POTEJ: variants seen among roughly 807,000 people sequenced by gnomAD.
The protein encoded by POTEJ is POTE ankyrin domain family, member J.
In POTEJ, 11 loss-of-function variants were observed where a neutral mutation model predicts 69.0. The ratio of observed to expected loss-of-function variants is 0.16; its 90% CI spans 0.10 to 0.26. POTEJ has a LOEUF of 0.26. Ranked by LOEUF, POTEJ falls within the 10% of genes least tolerant of loss-of-function variation. The probability of loss-of-function intolerance (pLI) is 1.00; values close to 1 mark genes in which losing one functional copy is unlikely to be tolerated. For synonymous variants in POTEJ, 117 were observed against 381.1 expected (o/e 0.31, Z 8.07); for missense variants, 327 against 1,045.5 (o/e 0.31, Z 9.48).
Position 130,651,749 on chromosome 2 carries a change from T to C in POTEJ, c.1668-3172T>C, listed in dbSNP as rs923373120. On this transcript the variant is annotated intron_variant, in intron 13 of 14. Coordinates refer to ENST00000409602, the MANE Select transcript of POTEJ (RefSeq NM_001277083.2). ...TTTTTAAATTCCTTTTCTTGTTCAC[T>C]TTTTTCTCTGTACAATACTAGTGAT... is the stretch of plus-strand genomic sequence containing the variant. Among the ~76,000 whole-genome samples the C allele has an allele frequency of 2.8e-5, 4 of 143,378 alleles. 2 individuals are homozygous for C. Among genetic ancestry groups the C allele is most frequent in the African/African-American group, 1.1e-4 (4 of 37,584 alleles). The allele number at this position is 143,378 out of a possible 152,430, so 94.1% of individuals were successfully genotyped here.
chr2:130,636,331 C>A (rs1359786867), intron 9 of POTEJ, among the ~76,000 whole-genome samples: 1 of 151,954 alleles, frequency 6.6e-6, no homozygotes, highest in Non-Finnish European at 1.5e-5. Flanking sequence ...AAGGAATGCT[C>A]TCTAAGGTAA....
chr2:130,650,288 C>T (rs1399459057), intron 13 of POTEJ, among the ~76,000 whole-genome samples: 1 of 152,274 alleles, frequency 6.6e-6, no homozygotes, highest in Admixed American at 6.5e-5. Context: ...ACTTTTCTGG[C>T]CATCCCAACT....
intron 3 of POTEJ, among the ~76,000 whole-genome samples, chr2:130,618,774 CTTTTTTTTTT>C (rs1204750696): frequency 2.2e-4 from 7 of 32,206 alleles, no homozygotes; most frequent in African/African-American, 6.3e-4. Flanking sequence ...ATTAATCTGA[CTTTTTTTTTT>C]TTTTTTTTTT....
At chr2:130,636,802 T>G in intron 9 of POTEJ, among the ~76,000 whole-genome samples, 1 of 148,030 alleles carries the variant, frequency 6.8e-6, no homozygotes, top group Non-Finnish European at 1.5e-5. Flanking sequence ...TTTAAAAATG[T>G]TTGACGTAGG....
chr2:130,617,549 GC>G (rs1266858534), intron 3 of POTEJ, among the ~76,000 whole-genome samples: 4 of 93,350 alleles, frequency 4.3e-5, no homozygotes, highest in African/African-American at 1.8e-4. Flanking sequence ...ATGTAAAATG[GC>G]AAAATTTGCC....
At chr2:130,629,058 G>A (rs1238379566) in intron 6 of POTEJ, among the ~76,000 whole-genome samples, 26 of 152,310 alleles carry the variant, frequency 1.7e-4, no homozygotes, top group South Asian at 6.2e-4. Flanking sequence ...AAATATGTCC[G>A]AATCGTGGAG....
At chr2:130,648,783 T>C (rs1295661152) in intron 13 of POTEJ, among the ~76,000 whole-genome samples, 1 of 65,636 alleles carries the variant, frequency 1.5e-5, no homozygotes, top group Non-Finnish European at 3.0e-5. Context: ...TTCTCATAGT[T>C]TTTTTTTTTT....
At chr2:130,631,727 ATCTT>A (rs1384182723) in intron 8 of POTEJ, among the ~76,000 whole-genome samples, 1 of 142,040 alleles carries the variant, frequency 7.0e-6, no homozygotes, top group Non-Finnish European at 1.5e-5. Flanking sequence ...CAATCATTTT[ATCTT>A]TCTTGGTTTT....
At chr2:130,628,945 G>T (rs1307118956) in intron 6 of POTEJ, among the ~76,000 whole-genome samples, 2 of 147,546 alleles carry the variant, frequency 1.4e-5, no homozygotes, top group Non-Finnish European at 3.0e-5. Flanking sequence ...TTGAACCAGG[G>T]AGTGTCAGAG....
At chr2:130,647,021 A>G (rs1315026606) in intron 13 of POTEJ, among the ~76,000 whole-genome samples, 3 of 150,142 alleles carry the variant, frequency 2.0e-5, no homozygotes, top group South Asian at 2.1e-4. Flanking sequence ...ATGTATACTT[A>G]TGTATAAGGA....
intron 10 of POTEJ, among the ~76,000 whole-genome samples, chr2:130,642,171 CA>C (rs1198210627): frequency 6.8e-6 from 1 of 146,290 alleles, no homozygotes; most frequent in African/African-American, 2.6e-5. Context: ...AATTTTTTAG[CA>C]GGACATAATG....
chr2:130,637,529 G>A (rs2105233530), intron 9 of POTEJ, among the ~76,000 whole-genome samples: 1 of 152,030 alleles, frequency 6.6e-6, no homozygotes, highest in South Asian at 2.1e-4. Context: ...TTGCTGAGTA[G>A]CTTTAAGGAA....
At chr2:130,641,190 G>A (rs1424919040) in intron 10 of POTEJ, among the ~76,000 whole-genome samples, 16 of 152,100 alleles carry the variant, frequency 1.1e-4, no homozygotes, top group Non-Finnish European at 2.2e-4. Flanking sequence ...GTGGCCTATA[G>A]TTTCCTGGGA....
At chr2:130,646,853 C>T (rs1325220656) in intron 13 of POTEJ, among the ~76,000 whole-genome samples, 5 of 147,332 alleles carry the variant, frequency 3.4e-5, no homozygotes, top group South Asian at 2.1e-4. Flanking sequence ...CAGCTCCATC[C>T]GTGTTGCTGC....
chr2:130,639,021 C>T (rs1439490738), intron 10 of POTEJ, among the ~76,000 whole-genome samples: 2 of 152,268 alleles, frequency 1.3e-5, no homozygotes, highest in African/African-American at 4.8e-5. Flanking sequence ...AACCTAGATC[C>T]CTCAGATGGG....
At chr2:130,638,289 A>T in intron 9 of POTEJ, among the ~76,000 whole-genome samples, 1 of 151,756 alleles carries the variant, frequency 6.6e-6, no homozygotes, top group Non-Finnish European at 1.5e-5. Context: ...TAAGCCTAAG[A>T]GAAGCAGCTT....
chr2:130,625,294 A>G (rs1685661915), intron 6 of POTEJ, among the ~76,000 whole-genome samples: 1 of 152,076 alleles, frequency 6.6e-6, no homozygotes, highest in African/African-American at 2.4e-5. Flanking sequence ...TCCACTTAAC[A>G]TATAACTATC....
upstream of POTEJ, among the ~76,000 whole-genome samples, chr2:130,611,310 G>GC (rs1685199202): frequency 2.8e-5 from 4 of 141,928 alleles, no homozygotes; most frequent in African/African-American, 5.7e-5. Context: ...GGGGGGGGGG[G>GC]GGTTGGCCCT....
chr2:130,643,634 A>G (rs2105247038), intron 10 of POTEJ, among the ~76,000 whole-genome samples: 1 of 142,898 alleles, frequency 7.0e-6, no homozygotes, highest in East Asian at 1.9e-4. Context: ...TTTGGAAATC[A>G]TTTATAAGGT....
Sources: allele counts gnomAD v4.1 joint callset (sites outside exome capture counted in the v4.1 genomes callset), GRCh38; gene constraint gnomAD v4.1.1; transcripts MANE v1.5; gene names NCBI Gene and HGNC (gene_info 2026-07-23, HGNC 2026-07-21).